The following ZBTB20 variants were observed in gnomAD, a reference collection of about 807,000 sequenced individuals.
ZBTB20 encodes the protein zinc finger and BTB domain-containing protein 20.
ZBTB20 carries 9 observed loss-of-function variants against 56.9 expected under a neutral mutation model. That is an observed-to-expected ratio of 0.16 (90% CI 0.10 to 0.28). The LOEUF is 0.28. Ranked by LOEUF, ZBTB20 falls within the 10% of genes least tolerant of loss-of-function variation. ZBTB20 has a pLI of 1.00. For missense variants in ZBTB20, 655 were observed against 1,003.0 expected, an observed-to-expected ratio of 0.65 and a Z score of 4.69; for synonymous variants, 417 against 420.7, an observed-to-expected ratio of 0.99 and a Z score of 0.11.
At chr3:114,499,012 G>A (rs1464811048) in intron 7 of ZBTB20, among the ~76,000 whole-genome samples, 1 of 152,286 alleles carries the variant, frequency 6.6e-6, no homozygotes, top group Non-Finnish European at 1.5e-5. Flanking sequence ...TTACACAAAA[G>A]AACTGTAACA....
At chr3:114,902,163 C>G (rs1027261496) in intron 3 of ZBTB20, among the ~76,000 whole-genome samples, 1 of 152,180 alleles carries the variant, frequency 6.6e-6, no homozygotes, top group Non-Finnish European at 1.5e-5. Flanking sequence ...GGAATCTACA[C>G]AAGTAATTCA....
intron 3 of ZBTB20, among the ~76,000 whole-genome samples, chr3:114,929,035 T>C (rs777366814): frequency 9.9e-5 from 15 of 152,216 alleles, no homozygotes; most frequent in Non-Finnish European, 1.8e-4. Flanking sequence ...GTTTATAATA[T>C]GCCAGAATAA....
chr3:114,648,901 A>G (rs1449059135), intron 6 of ZBTB20, among the ~76,000 whole-genome samples: 2 of 152,038 alleles, frequency 1.3e-5, no homozygotes, highest in African/African-American at 4.8e-5. Flanking sequence ...TACTCTTTTG[A>G]CTAATCAGCT....
intron 6 of ZBTB20, among the ~76,000 whole-genome samples, chr3:114,559,677 C>T (rs116426958): frequency 6.6e-6 from 1 of 152,162 alleles, no homozygotes; most frequent in Non-Finnish European, 1.5e-5. Flanking sequence ...GATTGGAAGG[C>T]TGCTGGCTTC....
At chr3:115,037,663 T>C (rs954681491) in intron 2 of ZBTB20, among the ~76,000 whole-genome samples, 8 of 152,322 alleles carry the variant, frequency 5.3e-5, no homozygotes, top group African/African-American at 1.7e-4. Flanking sequence ...AAAATCCTCT[T>C]GCAAGAATCT....
chr3:115,025,139 T>C (rs777063227), intron 2 of ZBTB20, among the ~76,000 whole-genome samples: 20 of 151,198 alleles, frequency 1.3e-4, no homozygotes, highest in Non-Finnish European at 2.7e-4. Context: ...TGTTCCCCTC[T>C]ATGTGTTCAT....
At position 114,739,443 on chromosome 3, in the gene ZBTB20, A is replaced by G. The variant is rs760174247; in HGVS notation, c.-342-45868T>C. 2.0e-5 allele frequency among the ~76,000 whole-genome samples: 3 copies of G among 152,186 alleles called. No individual in the cohort carries two copies. The South Asian group carries it at 6.2e-4, about 31-fold the overall frequency. ...TTTCTTCTATTAGTTTAAAAAACAT[A>G]GTCCACCATCACAGGGCCCTGTTTA... is the stretch of plus-strand genomic sequence containing the variant. On this transcript the variant is annotated intron_variant, in intron 5 of 11. Coordinates refer to ENST00000675478, the MANE Select transcript of ZBTB20 (RefSeq NM_001348800.3).
rs2080712485 is a variant in ZBTB20 at position 114,351,951 on chromosome 3, TTTCAGG to T, written c.200-79_200-74del. 1.3e-5 allele frequency: 20 copies of T among 1,532,662 alleles called. No individual in the cohort carries two copies. In the South Asian group the frequency reaches 2.5e-4, roughly 19 times the overall value. The allele number at this position is 1,532,662 out of a possible 1,614,324, so 94.9% of individuals were successfully genotyped here. On this transcript the variant is annotated intron_variant, in intron 10 of 11. Coordinates refer to ENST00000675478, the MANE Select transcript of ZBTB20 (RefSeq NM_001348800.3). ...GCTGGTTGCATTCCTAACACCTAGG[TTTCAGG>T]TGAGTAATGCTCATGGCTCCTAGAA...
chr3:114,779,291 ATTTG>A (rs1249394727), intron 5 of ZBTB20, among the ~76,000 whole-genome samples: 2 of 152,196 alleles, frequency 1.3e-5, no homozygotes, highest in African/African-American at 4.8e-5. Flanking sequence ...GGTACTCTTT[ATTTG>A]TTTATGAACC....
intron 5 of ZBTB20, among the ~76,000 whole-genome samples, chr3:114,734,089 C>T (rs1485982874): frequency 1.3e-5 from 2 of 151,836 alleles, no homozygotes; most frequent in East Asian, 3.9e-4. Flanking sequence ...ATTGTTTGAA[C>T]CAAATTTGTG....
At chr3:114,494,422 T>C (rs1396562616) in intron 7 of ZBTB20, among the ~76,000 whole-genome samples, 1 of 152,164 alleles carries the variant, frequency 6.6e-6, no homozygotes, top group Non-Finnish European at 1.5e-5. Flanking sequence ...TACTTCCTCC[T>C]CTTGTTTTCC....
chr3:114,914,600 T>C (rs1177037682), intron 3 of ZBTB20, among the ~76,000 whole-genome samples: 1 of 152,032 alleles, frequency 6.6e-6, no homozygotes, highest in Non-Finnish European at 1.5e-5. Flanking sequence ...TAGTTTTATG[T>C]TGAATAACAG....
intron 2 of ZBTB20, among the ~76,000 whole-genome samples, chr3:115,067,200 T>C (rs1437754135): frequency 1.3e-5 from 2 of 152,024 alleles, no homozygotes; most frequent in Non-Finnish European, 2.9e-5. Context: ...ATCTTTACAT[T>C]CCCTACTATG....
At chr3:114,780,318 ATG>A (rs2069986984) in intron 5 of ZBTB20, among the ~76,000 whole-genome samples, 1 of 152,210 alleles carries the variant, frequency 6.6e-6, no homozygotes, top group Non-Finnish European at 1.5e-5. Flanking sequence ...TGGTTGTTAT[ATG>A]AAGAGAAAAG....
intron 6 of ZBTB20, among the ~76,000 whole-genome samples, chr3:114,613,967 A>G (rs576976687): frequency 1.2e-4 from 19 of 152,304 alleles, no homozygotes; most frequent in African/African-American, 4.3e-4. Context: ...ATTTTATAAT[A>G]AAAACAAATT....
At chr3:114,832,450 G>A (rs1363320961) in intron 4 of ZBTB20, among the ~76,000 whole-genome samples, 2 of 152,002 alleles carry the variant, frequency 1.3e-5, no homozygotes, top group Non-Finnish European at 2.9e-5. Flanking sequence ...ACTGGTATCA[G>A]TATCAAGGCA....
At chr3:114,904,540 T>C (rs185263262) in intron 3 of ZBTB20, among the ~76,000 whole-genome samples, 210 of 152,158 alleles carry the variant, frequency 1.4e-3, no homozygotes, top group Middle Eastern at 3.4e-3. Flanking sequence ...AGCTGGATGT[T>C]GTATCATTAT....
chr3:115,036,374 AC>A (rs2108369020), intron 2 of ZBTB20, among the ~76,000 whole-genome samples: 1 of 150,740 alleles, frequency 6.6e-6, no homozygotes, highest in South Asian at 2.1e-4. Flanking sequence ...ATCTCGGCTC[AC>A]TGTAACCTCC....
intron 7 of ZBTB20, among the ~76,000 whole-genome samples, chr3:114,479,384 C>T (rs2041264438): frequency 6.6e-6 from 1 of 152,176 alleles, no homozygotes; most frequent in South Asian, 2.1e-4. Context: ...CTAATATACT[C>T]TAAAAGTAGC....
Sources: allele counts gnomAD v4.1 joint callset (sites outside exome capture counted in the v4.1 genomes callset), GRCh38; gene constraint gnomAD v4.1.1; transcripts MANE v1.5; gene names NCBI Gene and HGNC (gene_info 2026-07-23, HGNC 2026-07-21).